UMODL1: variants seen among roughly 807,000 people sequenced by gnomAD.
UMODL1 encodes uromodulin like 1.
UMODL1 carries 128 observed loss-of-function variants against 136.3 expected under a neutral mutation model. The observed-to-expected ratio is 0.94, with a 90% CI of 0.81 to 1.09. UMODL1 has a LOEUF of 1.09. UMODL1 is among the 50% of genes least tolerant of loss of function. The pLI is 0.00. For synonymous variants in UMODL1, 721 were observed against 720.0 expected, an observed-to-expected ratio of 1.00 and a Z score of -0.02; for missense variants, 1,766 against 1,725.6, an observed-to-expected ratio of 1.02 and a Z score of -0.41.
intron 21 of UMODL1, among the ~76,000 whole-genome samples, chr21:42,131,038 C>T (rs2067128037): frequency 6.6e-6 from 1 of 152,152 alleles, no homozygotes; most frequent in Non-Finnish European, 1.5e-5. Context: ...TGGTCTCGAT[C>T]TCCTGACCTC....
chr21:42,125,197 G>T (rs758242495), intron 17 of UMODL1, among the ~76,000 whole-genome samples: 3 of 152,206 alleles, frequency 2.0e-5, no homozygotes, highest in Non-Finnish European at 2.9e-5. Flanking sequence ...TGAGCAGGAG[G>T]CTGGGACATG....
At chr21:42,064,801 C>T (rs1308905543) in intron 1 of UMODL1, among the ~76,000 whole-genome samples, 2 of 152,214 alleles carry the variant, frequency 1.3e-5, no homozygotes, top group African/African-American at 4.8e-5. Flanking sequence ...GGTGATCTGC[C>T]CGCCTCAGCC....
Position 42,137,459 on chromosome 21 carries a change from G to A in UMODL1, c.3796G>A (p.Ala1266Thr), listed in dbSNP as rs974955244. Residue 1266 changes from alanine to threonine, a missense_variant, in exon 22 of 23, where the codon GCA becomes ACA. By Grantham distance (58) the Ala-to-Thr change is moderately conservative. Coordinates refer to ENST00000408910, the MANE Select transcript of UMODL1 (RefSeq NM_001004416.3). ...RSEGEPPHAE[A>T]GLGAGYVVLI... ...CCGAGGTGAGCCTCCTCATGCAGAA[G>A]CAGGCCTGGGTGCCGGTTATGTGGT... is the stretch of plus-strand genomic sequence containing the variant. 6.2e-7 allele frequency: 1 copy of A among 1,614,222 alleles called. No homozygotes were observed. The highest frequency in any genetic ancestry group is 8.5e-7 in the Non-Finnish European group (1 of 1,180,038).
upstream of UMODL1, chr21:42,071,188 G>C: frequency 3.0e-6 from 3 of 985,314 alleles, no homozygotes; most frequent in Non-Finnish European, 4.1e-6. Context: ...GCCACCTGCA[G>C]CAGCACAGGG....
intron 5 of UMODL1, among the ~76,000 whole-genome samples, chr21:42,089,987 C>T (rs1023461394): frequency 3.3e-5 from 5 of 152,144 alleles, no homozygotes; most frequent in Admixed American, 2.6e-4. Context: ...ATGTTTTGGC[C>T]CCACCTTTTC....
chr21:42,128,645 T>C (rs2067093970), intron 20 of UMODL1, among the ~76,000 whole-genome samples: 1 of 152,224 alleles, frequency 6.6e-6, no homozygotes, highest in Non-Finnish European at 1.5e-5. Flanking sequence ...CCTCAGGTCC[T>C]AATGACAGCA....
In UMODL1 at chr21:42,103,882, C is replaced by T. The variant is rs909827290; in HGVS notation, c.1314C>T (p.Phe438=). 5 of 1,614,064 alleles carry T rather than the reference C, an allele frequency of 3.1e-6. No homozygotes were observed. The highest frequency in any genetic ancestry group is 1.3e-5 in the African/African-American group (1 of 74,922). Residue 438 remains phenylalanine, a synonymous_variant, in exon 9 of 23, where the codon TTC becomes TTT. Transcript: ENST00000408910. The part of the protein sequence containing the change: ...RQLLHEVESS[F]PPVVSDLYRS... ...TTCTTGGCTAGGTCGAGAGCTCCTT[C>T]CCACCAGTGGTGTCTGACTTGTACC...
At chr21:42,080,052 G>A (rs978988517) in intron 2 of UMODL1, among the ~76,000 whole-genome samples, 2 of 152,216 alleles carry the variant, frequency 1.3e-5, no homozygotes, top group East Asian at 1.9e-4. Flanking sequence ...CCAGCCCCAC[G>A]GTCAGAGACA....
intron 9 of UMODL1, 147 bp from the exon 10 acceptor site, chr21:42,109,415 G>C: frequency 9.7e-7 from 1 of 1,031,588 alleles, no homozygotes; most frequent in Non-Finnish European, 1.4e-6. Context: ...GTTGTCATGA[G>C]AGTGTTGGAC....
intron 2 of UMODL1, among the ~76,000 whole-genome samples, chr21:42,079,278 G>A (rs534741056): frequency 6.6e-6 from 1 of 152,312 alleles, no homozygotes; most frequent in Non-Finnish European, 1.5e-5. Context: ...AGATAGGGAG[G>A]CCTCTCCCCA....
chr21:42,121,271 G>T (rs763681206), intron 16 of UMODL1, 47 bp downstream of exon 16: 582 of 1,565,016 alleles, frequency 3.7e-4, no homozygotes, highest in Non-Finnish European at 4.9e-4. Flanking sequence ...ATCATAATCG[G>T]TTTTTTTTAA....
At chr21:42,083,104 A>G (rs754118643) in intron 2 of UMODL1, among the ~76,000 whole-genome samples, 10 of 152,118 alleles carry the variant, frequency 6.6e-5, no homozygotes, top group East Asian at 1.9e-4. Context: ...CTGCACTCAC[A>G]CTGTGAAGGG....
At chr21:42,117,025 G>A (rs1415921242) in intron 14 of UMODL1, among the ~76,000 whole-genome samples, 1 of 152,034 alleles carries the variant, frequency 6.6e-6, no homozygotes, top group Non-Finnish European at 1.5e-5. Context: ...GCAGTGAGCT[G>A]AGATCTTGCC....
At chr21:42,071,203 G>A, upstream of UMODL1, 1 of 1,174,986 alleles carries the variant, frequency 8.5e-7, no homozygotes, top group Non-Finnish European at 1.1e-6. Context: ...ACAGGGGACA[G>A]AAAGGCCGTT....
chr21:42,128,077 C>T (rs1255205934), intron 20 of UMODL1: 1 of 614,182 alleles, frequency 1.6e-6, no homozygotes, highest in East Asian at 3.6e-5. Context: ...TGAGTTCCTT[C>T]TTGAGGCCAT....
chr21:42,101,538 A>C (rs1040645147), intron 7 of UMODL1, among the ~76,000 whole-genome samples: 1 of 152,138 alleles, frequency 6.6e-6, no homozygotes, highest in African/African-American at 2.4e-5. Context: ...ATTGCCGCCG[A>C]CCTGCTCCTG....
Position 42,110,740 on chromosome 21 carries a change from G to C in UMODL1, c.1658-140G>C, listed in dbSNP as rs930325358. Reference sequence around the variant, plus strand: ...ATGGGCCCAGGAAACACTCCTGAACGCTGGCGCCCGCCTGCGTCCCTGGCC... The same window carrying C: ...ATGGGCCCAGGAAACACTCCTGAACCCTGGCGCCCGCCTGCGTCCCTGGCC... On this transcript the variant is annotated intron_variant, in intron 10 of 22. Transcript: ENST00000408910. 3.7e-6 allele frequency: 3 copies of C among 810,926 alleles called. No homozygotes were observed. In the Admixed American group the frequency reaches 8.7e-5, roughly 24 times the overall value. The allele number at this position is 810,926 out of a possible 1,614,324, so 50.2% of individuals were successfully genotyped here. A position where few individuals can be genotyped will look rare whatever the true frequency, so the allele number is the denominator to read the frequency against.
intron 1 of UMODL1, among the ~76,000 whole-genome samples, chr21:42,064,635 C>T (rs2066169172): frequency 6.6e-6 from 1 of 152,104 alleles, no homozygotes; most frequent in African/African-American, 2.4e-5. Context: ...CGGCGCACTG[C>T]AACCTCTGCC....
At position 42,121,052 on chromosome 21, in the gene UMODL1, A is replaced by G. The variant is rs933988637; in HGVS notation, c.2690-35A>G. On this transcript the variant is annotated intron_variant, in intron 15 of 22. Transcript: ENST00000408910. ...GCTGTGAGACCACAAGCCCCCAGGG[A>G]TGTTCTTCTGTTTTGTCTTCTAAAT... The G allele has an allele frequency of 1.9e-6, 3 of 1,591,162 alleles. No individual in the cohort carries two copies. The South Asian group carries it at 3.4e-5, about 18-fold the overall frequency.
Sources: gnomAD v4.1 joint callset for allele counts (sites outside exome capture counted in the v4.1 genomes callset) on GRCh38, gnomAD v4.1.1 for gene constraint, MANE v1.5 for transcripts, NCBI Gene and HGNC (gene_info 2026-07-23, HGNC 2026-07-21) for gene names.